The following ZNF124 variants were observed in gnomAD, a reference collection of about 807,000 sequenced individuals.
ZNF124 encodes the protein zinc finger protein 124, also known as zinc finger protein HZF-16.
ZNF124 carries 25 observed loss-of-function variants against 26.6 expected under a neutral mutation model. The ratio of observed to expected loss-of-function variants is 0.94; its 90% confidence interval spans 0.68 to 1.31. The LOEUF is 1.31. Ranked by LOEUF, ZNF124 falls within the 40% of genes most tolerant of loss-of-function variation. ZNF124 has a pLI of 0.00. For synonymous variants in ZNF124, 129 were observed against 133.3 expected, an observed-to-expected ratio of 0.97 and a Z score of 0.22; for missense variants, 444 against 422.2, an observed-to-expected ratio of 1.05 and a Z score of -0.45.
At chr1:247,161,459 T>C (rs1673475184) in intron 1 of ZNF124, among the ~76,000 whole-genome samples, 1 of 152,026 alleles carries the variant, frequency 6.6e-6, no homozygotes, top group Non-Finnish European at 1.5e-5. Context: ...AATAGACCAC[T>C]TGCAGAAGTC....
In ZNF124 at chr1:247,157,134, C is replaced by CT; in HGVS notation, c.487_488insA (p.Arg163GlnfsTer4). The stretch of plus-strand genomic sequence containing the variant: ...AATCCTTTTATGTCTATTAAGAGAA[C>CT]GGGAAAAACCTAAGGCTTTCCCACA... On this transcript the variant is annotated frameshift_variant, in exon 4 of 4. Transcript: ENST00000543802. LOFTEE classifies it high-confidence loss of function. 6.2e-7 allele frequency: 1 copy of CT among 1,613,958 alleles called. No homozygotes were observed. The highest frequency in any genetic ancestry group is 1.1e-5 in the South Asian group (1 of 91,050).
intron 1 of ZNF124, among the ~76,000 whole-genome samples, chr1:247,165,253 A>G (rs1002604130): frequency 4.6e-5 from 7 of 152,336 alleles, no homozygotes; most frequent in Admixed American, 6.5e-5. Context: ...GGCGTGAGCC[A>G]CTGCGCCTGG....
intron 1 of ZNF124, among the ~76,000 whole-genome samples, chr1:247,162,650 C>T (rs73137992): frequency 2.8e-4 from 41 of 146,842 alleles, no homozygotes; most frequent in African/African-American, 1.0e-3. Context: ...GATTACTAGT[C>T]AAATTTCAGA....
chr1:247,137,942 AAGTC>A (rs1672526779), intron 3 of ZNF124, among the ~76,000 whole-genome samples: 1 of 152,214 alleles, frequency 6.6e-6, no homozygotes, highest in South Asian at 2.1e-4. Flanking sequence ...GATTATTAAA[AAGTC>A]AGGAAACAAT....
chr1:247,158,538 A>T (rs1673284039), intron 3 of ZNF124, among the ~76,000 whole-genome samples: 1 of 152,102 alleles, frequency 6.6e-6, no homozygotes, highest in South Asian at 2.1e-4. Flanking sequence ...ACTATTTTGC[A>T]AACATTTAAC....
chr1:247,151,435 C>T (rs565686186), downstream of ZNF124, among the ~76,000 whole-genome samples: 1 of 149,608 alleles, frequency 6.7e-6, no homozygotes, highest in South Asian at 2.1e-4. Context: ...GCCGAGATCG[C>T]GCCACTGCAC....
At chr1:247,125,430 C>CTTTTT (rs71566695) in intron 3 of ZNF124, among the ~76,000 whole-genome samples, 613 of 43,316 alleles carry the variant, frequency 0.014, 80 homozygotes, top group African/African-American at 0.016. Context: ...CTGTTTTTGT[C>CTTTTT]TTTTTTTTTT....
At chr1:247,146,339 A>T (rs543521719) in intron 3 of ZNF124, among the ~76,000 whole-genome samples, 109 of 152,344 alleles carry the variant, frequency 7.2e-4, no homozygotes, top group African/African-American at 2.5e-3. Flanking sequence ...TCCTTCTAGA[A>T]TACATTATTT....
intron 3 of ZNF124, among the ~76,000 whole-genome samples, chr1:247,144,925 G>A (rs1672724615): frequency 6.6e-6 from 1 of 151,936 alleles, no homozygotes; most frequent in African/African-American, 2.4e-5. Context: ...ACAGGCGTTC[G>A]CCACCATGCC....
At chr1:247,161,473 G>A (rs554753023) in intron 1 of ZNF124, among the ~76,000 whole-genome samples, 1 of 152,122 alleles carries the variant, frequency 6.6e-6, no homozygotes, top group Non-Finnish European at 1.5e-5. Context: ...AGAAGTCACA[G>A]ACAAGGTTTT....
intron 1 of ZNF124, among the ~76,000 whole-genome samples, chr1:247,163,901 C>G (rs1166560354): frequency 6.6e-6 from 1 of 152,078 alleles, no homozygotes; most frequent in Admixed American, 6.6e-5. Context: ...ATGTAAAATA[C>G]TAGCAAACCA....
At chr1:247,141,318 G>T (rs1038923923) in intron 3 of ZNF124, among the ~76,000 whole-genome samples, 27 of 150,974 alleles carry the variant, frequency 1.8e-4, no homozygotes, top group African/African-American at 6.3e-4. Flanking sequence ...CGGTAGCAAG[G>T]CTTTTGTTTG....
At chr1:247,161,782 C>T (rs10802472) in intron 1 of ZNF124, among the ~76,000 whole-genome samples, 86,841 of 151,846 alleles carry the variant, frequency 0.57, 27,016 homozygotes, top group African/African-American at 0.84. Context: ...AAATAATAGT[C>T]CACATTCTTT....
intron 1 of ZNF124, among the ~76,000 whole-genome samples, chr1:247,164,894 T>C (rs777421129): frequency 1.3e-5 from 2 of 151,996 alleles, no homozygotes; most frequent in African/African-American, 2.4e-5. Context: ...AGCATGGTAA[T>C]GGTATAAAAA....
Position 247,158,977 on chromosome 1 carries a change from G to A in ZNF124, c.218+29C>T, listed in dbSNP as rs183968337. 11 of 1,599,652 alleles carry A rather than the reference G, an allele frequency of 6.9e-6. No individual in the cohort carries two copies. In the African/African-American group the frequency reaches 1.1e-4, roughly 16 times the overall value. Reference sequence around the variant, plus strand: ...ATATACTACAATTGACCCCAAGGGGGACTGCTTCCTCTTGTGAGGGCAAAT... The same window carrying A: ...ATATACTACAATTGACCCCAAGGGGAACTGCTTCCTCTTGTGAGGGCAAAT... On this transcript the variant is annotated intron_variant, in intron 3 of 3. Transcript: ENST00000543802.
chr1:247,128,155 T>A (rs868646446), intron 3 of ZNF124, among the ~76,000 whole-genome samples: 223 of 152,038 alleles, frequency 1.5e-3, no homozygotes, highest in African/African-American at 4.0e-3. Context: ...AGATGCAGTA[T>A]TGTAATTGTT....
chr1:247,150,478 T>C (rs992385294), downstream of ZNF124, among the ~76,000 whole-genome samples: 1 of 152,190 alleles, frequency 6.6e-6, no homozygotes, highest in Non-Finnish European at 1.5e-5. Context: ...AAAGAATTCA[T>C]TATATTTTGT....
chr1:247,143,632 A>G (rs968859129), intron 3 of ZNF124, among the ~76,000 whole-genome samples: 2 of 152,218 alleles, frequency 1.3e-5, no homozygotes, highest in South Asian at 2.1e-4. Context: ...GAGAGACTCC[A>G]TCTGAGGGTA....
chr1:247,142,859 ATATTC>A (rs1267286484), intron 3 of ZNF124, among the ~76,000 whole-genome samples: 9 of 148,212 alleles, frequency 6.1e-5, no homozygotes, highest in African/African-American at 1.5e-4. Context: ...TTTTTTACAT[ATATTC>A]TATTGGCATT....
Sources: allele counts gnomAD v4.1 joint callset (sites outside exome capture counted in the v4.1 genomes callset), GRCh38; gene constraint gnomAD v4.1.1; transcripts MANE v1.5; gene names NCBI Gene and HGNC (gene_info 2026-07-23, HGNC 2026-07-21).